VAT1L: variants seen among roughly 807,000 people sequenced by gnomAD.
The protein encoded by VAT1L is putative NADPH-dependent quinone oxidoreductase VAT1L.
VAT1L carries 34 observed loss-of-function variants against 44.1 expected under a neutral mutation model. The ratio of observed to expected loss-of-function variants is 0.77; its 90% CI spans 0.59 to 1.03. The LOEUF is 1.03. Ranked by LOEUF, VAT1L falls within the 50% of genes least tolerant of loss-of-function variation. VAT1L has a pLI of 0.00. For synonymous variants in VAT1L, 253 were observed against 202.2 expected, an observed-to-expected ratio of 1.25 and a Z score of -2.13; for missense variants, 615 against 538.8, an observed-to-expected ratio of 1.14 and a Z score of -1.40.
intron 7 of VAT1L, among the ~76,000 whole-genome samples, chr16:77,960,986 T>A (rs983249593): frequency 6.6e-6 from 1 of 152,038 alleles, no homozygotes; most frequent in Non-Finnish European, 1.5e-5. Flanking sequence ...CTCCAATGGG[T>A]TGCAATCCAC....
intron 1 of VAT1L, among the ~76,000 whole-genome samples, chr16:77,809,849 T>G (rs2016234527): frequency 6.6e-6 from 1 of 152,212 alleles, no homozygotes; most frequent in South Asian, 2.1e-4. Flanking sequence ...ATTTCCTCCA[T>G]GACATCCTTC....
chr16:77,890,982 G>A (rs1215193551), intron 7 of VAT1L, among the ~76,000 whole-genome samples: 1 of 151,204 alleles, frequency 6.6e-6, no homozygotes, highest in Non-Finnish European at 1.5e-5. Context: ...AAAGTCTATG[G>A]CTACACTCTC....
chr16:77,924,135 C>T (rs2017641466), intron 7 of VAT1L, among the ~76,000 whole-genome samples: 2 of 152,178 alleles, frequency 1.3e-5, no homozygotes, highest in Non-Finnish European at 2.9e-5. Flanking sequence ...ATCCCCCTTT[C>T]TCCCGGAGAA....
At chr16:77,960,973 C>G (rs1167802126) in intron 7 of VAT1L, among the ~76,000 whole-genome samples, 1 of 152,116 alleles carries the variant, frequency 6.6e-6, no homozygotes, top group Non-Finnish European at 1.5e-5. Flanking sequence ...GGCATGAGTT[C>G]AGCTCCAATG....
intron 7 of VAT1L, among the ~76,000 whole-genome samples, chr16:77,962,673 A>G (rs1467518236): frequency 4.0e-5 from 6 of 151,824 alleles, no homozygotes; most frequent in African/African-American, 1.4e-4. Flanking sequence ...GCTTCAATCC[A>G]GGAGTTCAAG....
chr16:77,845,550 C>G (rs2016750272), intron 3 of VAT1L, among the ~76,000 whole-genome samples: 2 of 152,150 alleles, frequency 1.3e-5, no homozygotes, highest in Admixed American at 1.3e-4. Context: ...ACACTTTTAC[C>G]CTAGGGTCCA....
chr16:77,811,876 C>T (rs1049128377), intron 1 of VAT1L, among the ~76,000 whole-genome samples: 4 of 152,044 alleles, frequency 2.6e-5, no homozygotes, highest in African/African-American at 9.7e-5. Context: ...AGCGTCTCTT[C>T]CTCTCTACCT....
At chr16:77,817,756 C>A (rs923269711) in intron 2 of VAT1L, among the ~76,000 whole-genome samples, 10 of 152,094 alleles carry the variant, frequency 6.6e-5, no homozygotes, top group African/African-American at 2.4e-4. Context: ...TAACGCAAAT[C>A]AAATAGAAAC....
chr16:77,937,160 C>T (rs557878820), intron 7 of VAT1L, among the ~76,000 whole-genome samples: 1 of 152,270 alleles, frequency 6.6e-6, no homozygotes, highest in East Asian at 1.9e-4. Context: ...GGATTACAGG[C>T]GTGAGCCACC....
At chr16:77,833,692 A>C (rs2016607205) in intron 3 of VAT1L, among the ~76,000 whole-genome samples, 4 of 152,108 alleles carry the variant, frequency 2.6e-5, no homozygotes, top group African/African-American at 9.7e-5. Context: ...CGGAGGTTGC[A>C]GTGAGCCGGG....
chr16:77,866,225 A>C (rs2016972676), intron 4 of VAT1L, among the ~76,000 whole-genome samples: 1 of 152,266 alleles, frequency 6.6e-6, no homozygotes, highest in Non-Finnish European at 1.5e-5. Context: ...TGCTCAGCAC[A>C]TGTTGACAGA....
chr16:77,977,794 G>C lies in VAT1L; in HGVS notation c.*99G>C. 2.6e-6 allele frequency: 3 copies of C among 1,167,856 alleles called. No homozygotes were observed. The highest frequency in any genetic ancestry group is 3.7e-6 in the Non-Finnish European group (3 of 814,252). 72.3% of individuals were successfully genotyped at this position (1,167,856 alleles called of 1,614,324 possible). ...CCCAGTGAACAAATGCTGTAGTCCAGTGCGTGTCGTGTTTGTCTGCAGTCA... is the reference window on the plus strand; with the variant it reads ...CCCAGTGAACAAATGCTGTAGTCCACTGCGTGTCGTGTTTGTCTGCAGTCA... On this transcript the variant is annotated 3_prime_UTR_variant, in exon 9 of 9. Coordinates refer to ENST00000302536, the MANE Select transcript of VAT1L (RefSeq NM_020927.3).
At chr16:77,892,731 G>A in intron 7 of VAT1L, 1 of 744,790 alleles carries the variant, frequency 1.3e-6, no homozygotes, top group East Asian at 2.6e-5. Flanking sequence ...GCAAATACTG[G>A]ACCCAGCACA....
At chr16:77,825,801 A>G (rs999957070) in intron 3 of VAT1L, among the ~76,000 whole-genome samples, 2 of 151,510 alleles carry the variant, frequency 1.3e-5, no homozygotes, top group East Asian at 2.0e-4. Context: ...CAGATCACGA[A>G]GTCAGGAGAT....
intron 5 of VAT1L, 35 bp downstream of exon 5, chr16:77,876,508 A>G: frequency 6.3e-7 from 1 of 1,582,886 alleles, no homozygotes; most frequent in South Asian, 1.1e-5. Context: ...CGTGGTCAGC[A>G]ATAGGTACCT....
intron 7 of VAT1L, among the ~76,000 whole-genome samples, chr16:77,927,477 G>A (rs1409087062): frequency 6.6e-6 from 1 of 152,136 alleles, no homozygotes; most frequent in African/African-American, 2.4e-5. Context: ...TCCATCTCCA[G>A]AATCTGCACT....
At chr16:77,832,250 A>G (rs2016588380) in intron 3 of VAT1L, among the ~76,000 whole-genome samples, 1 of 152,148 alleles carries the variant, frequency 6.6e-6, no homozygotes, top group Non-Finnish European at 1.5e-5. Context: ...CGGTAAAACT[A>G]AAGTTATTCC....
intron 4 of VAT1L, among the ~76,000 whole-genome samples, chr16:77,873,294 AT>A (rs928324719): frequency 6.6e-6 from 1 of 152,138 alleles, no homozygotes; most frequent in African/African-American, 2.4e-5. Flanking sequence ...CCGTGATTTC[AT>A]TTTTTTAAAA....
chr16:77,903,026 T>G (rs1163060365), intron 7 of VAT1L, among the ~76,000 whole-genome samples: 2 of 150,618 alleles, frequency 1.3e-5, no homozygotes, highest in Non-Finnish European at 3.0e-5. Context: ...AAAAAGATTA[T>G]ACCTTACACT....
Sources: allele counts gnomAD v4.1 joint callset (sites outside exome capture counted in the v4.1 genomes callset), GRCh38; gene constraint gnomAD v4.1.1; transcripts MANE v1.5; gene names NCBI Gene and HGNC (gene_info 2026-07-23, HGNC 2026-07-21).